ACSM2B: variants seen among roughly 807,000 people sequenced by gnomAD.
ACSM2B encodes the protein acyl-CoA synthetase medium chain family member 2B, also known as acyl-coenzyme A synthetase ACSM2B, mitochondrial.
In ACSM2B, 58 loss-of-function variants were observed where a neutral mutation model predicts 78.6. The ratio of observed to expected loss-of-function variants is 0.74; its 90% CI spans 0.60 to 0.92. The LOEUF (loss-of-function observed/expected upper bound fraction) is 0.92, where lower values mean the gene tolerates loss of function less well. Among genes scored for constraint, ACSM2B ranks in the 40% least tolerant of loss-of-function variants. ACSM2B has a pLI of 0.00. For missense variants in ACSM2B, 688 were observed against 711.2 expected (o/e 0.97, Z 0.37); for synonymous variants, 257 against 256.8 (o/e 1.00, Z -0.01).
At chr16:20,556,699 C>G (rs1394309382) in intron 3 of ACSM2B, among the ~76,000 whole-genome samples, 1 of 152,178 alleles carries the variant, frequency 6.6e-6, no homozygotes, top group East Asian at 1.9e-4. Context: ...TAGCTTTTAA[C>G]CTTAGCTCAC....
intron 6 of ACSM2B, among the ~76,000 whole-genome samples, chr16:20,549,194 C>A (rs1178853730): frequency 6.6e-6 from 1 of 152,170 alleles, no homozygotes; most frequent in Non-Finnish European, 1.5e-5. Context: ...AACACCATCT[C>A]CATCCCATGC....
rs117848515 is a variant in ACSM2B at position 20,545,055 on chromosome 16, A to G, written c.1281+102T>C. ...AAAACTGGACACTCTTTGTCTCCAT[A>G]TCTAATGCCTCTTGGAAGTTTCAGA... On this transcript the variant is annotated intron_variant, in intron 10 of 13. Transcript: ENST00000329697. The G allele has an allele frequency of 3.4e-4, 491 of 1,431,324 alleles. 6 individuals carry two copies. In the East Asian group the frequency reaches 0.01, roughly 30 times the overall value. 88.7% of individuals were successfully genotyped at this position (1,431,324 alleles called of 1,614,324 possible). A position where few individuals can be genotyped will look rare whatever the true frequency, so the allele number is the denominator to read the frequency against.
At chr16:20,554,613 A>C (rs2015413173) in intron 4 of ACSM2B, among the ~76,000 whole-genome samples, 1 of 152,204 alleles carries the variant, frequency 6.6e-6, no homozygotes, top group African/African-American at 2.4e-5. Context: ...GGCTTTTGGA[A>C]GGACTATCAA....
At chr16:20,550,134 G>A (rs1201072213) in intron 6 of ACSM2B, among the ~76,000 whole-genome samples, 1 of 152,144 alleles carries the variant, frequency 6.6e-6, no homozygotes, top group East Asian at 1.9e-4. Flanking sequence ...TGGCTGAGGA[G>A]GAAGTCCATT....
At chr16:20,545,104 T>C in intron 10 of ACSM2B, 53 bp downstream of exon 10, 2 of 1,570,776 alleles carry the variant, frequency 1.3e-6, no homozygotes, top group Non-Finnish European at 1.7e-6. Flanking sequence ...CTCATCCCGT[T>C]TAGTGCTCCC....
intron 1 of ACSM2B, among the ~76,000 whole-genome samples, chr16:20,573,014 G>T (rs1378485688): frequency 6.8e-6 from 1 of 147,390 alleles, no homozygotes; most frequent in Non-Finnish European, 1.5e-5. Flanking sequence ...ACCTTTTCTG[G>T]TGCCTCTTTG....
intron 12 of ACSM2B, 37 bp downstream of exon 12, chr16:20,542,877 A>C (rs1282069120): frequency 6.8e-6 from 11 of 1,611,308 alleles, no homozygotes; most frequent in South Asian, 2.2e-5. Flanking sequence ...CCTTGTGTTC[A>C]TATCTGTTCA....
At chr16:20,561,871 C>T (rs1205816605) in intron 2 of ACSM2B, among the ~76,000 whole-genome samples, 2 of 110,044 alleles carry the variant, frequency 1.8e-5, no homozygotes, top group Non-Finnish European at 3.6e-5. Flanking sequence ...CCCCTCCCCC[C>T]ACCCCATAAC....
intron 10 of ACSM2B, chr16:20,544,638 G>T (rs2015084748): frequency 2.1e-5 from 21 of 985,254 alleles, no homozygotes; most frequent in Non-Finnish European, 2.4e-5. Context: ...GCTTGAGCAA[G>T]TCTTGTAATC....
At position 20,537,263 on chromosome 16, in the gene ACSM2B, G is replaced by C. The variant is rs1457229382; in HGVS notation, c.1729C>G (p.Gln577Glu). The C allele has an allele frequency of 6.2e-7, 1 of 1,614,024 alleles. No homozygotes were observed. The highest frequency in any genetic ancestry group is 2.2e-5 in the East Asian group (1 of 44,864). Residue 577 changes from glutamine to glutamate, a missense_variant, in exon 14 of 14, where the codon CAG becomes GAG. Physicochemically the swap from Gln to Glu is conservative, Grantham distance 29. Coordinates refer to ENST00000329697, the MANE Select transcript of ACSM2B (RefSeq NM_001105069.2). ...EWKMSGKARAQ is the reference protein window; with the variant it reads ...EWKMSGKARAE ...ATGAATGTCTCCTAGACGCCTCACT[G>C]CGCACGGGCTTTTCCGGACATCTTC...
chr16:20,545,212 T>C lies in ACSM2B; in HGVS notation c.1226A>G (p.Asp409Gly), dbSNP rs143681214. 11 of 1,613,758 alleles carry C rather than the reference T, an allele frequency of 6.8e-6. No individual in the cohort carries two copies. Among genetic ancestry groups the C allele is most frequent in the Non-Finnish European group, 9.3e-6 (11 of 1,179,888 alleles). ...GNVLPPGTEG[D>G]IGIRVKPIRP... Reference sequence around the variant, plus strand: ...GATGGGTTTGACCCTGATGCCAATGTCTCCTTCTGTGCCGGGGGGCAGGAC... The same window carrying C: ...GATGGGTTTGACCCTGATGCCAATGCCTCCTTCTGTGCCGGGGGGCAGGAC... Residue 409 changes from aspartate to glycine, a missense_variant, in exon 10 of 14, where the codon GAC (aspartate) becomes GGC (glycine). By Grantham distance (94) the Asp-to-Gly change is moderately conservative. Coordinates refer to ENST00000329697, the MANE Select transcript of ACSM2B (RefSeq NM_001105069.2).
chr16:20,545,041 C>T (rs571982448), intron 10 of ACSM2B, 116 bp downstream of exon 10: 1 of 1,364,486 alleles, frequency 7.3e-7, no homozygotes, highest in Non-Finnish European at 9.8e-7. Flanking sequence ...AAACTGGACA[C>T]TCTTTGTCTC....
Position 20,559,311 on chromosome 16 carries a change from C to A in ACSM2B, c.314G>T (p.Arg105Leu), listed in dbSNP as rs577119435. The A allele has an allele frequency of 3.1e-6, 5 of 1,613,396 alleles. No individual in the cohort carries two copies. In the Admixed American group the frequency reaches 5.0e-5, roughly 16 times the overall value. Residue 105 changes from arginine to leucine, a missense_variant, in exon 3 of 14, where the codon CGT becomes CTT. Arg to Leu is a moderately radical substitution (Grantham distance 102). Transcript: ENST00000329697. ...NILSGACGLQRGDRVAVMLPR... is the reference protein window; with the variant it reads ...NILSGACGLQLGDRVAVMLPR... Reference sequence around the variant, plus strand: ...CAGCATCACTGCCACACGATCCCCACGCTGCAGGCCACAGGCTCCCGAGAG... The same window carrying A: ...CAGCATCACTGCCACACGATCCCCAAGCTGCAGGCCACAGGCTCCCGAGAG...
intron 1 of ACSM2B, among the ~76,000 whole-genome samples, chr16:20,569,469 CTATGGCCT>C (rs1438453188): frequency 9.2e-5 from 14 of 152,002 alleles, no homozygotes; most frequent in Non-Finnish European, 1.9e-4. Context: ...GTTTTGCTGA[CTATGGCCT>C]TATAGTACAT....
At chr16:20,568,117 T>C (rs1033965406) in intron 1 of ACSM2B, among the ~76,000 whole-genome samples, 1 of 143,286 alleles carries the variant, frequency 7.0e-6, no homozygotes, top group African/African-American at 2.5e-5. Context: ...TATATACATA[T>C]TATATATATG....
chr16:20,548,055 C>A lies in ACSM2B; in HGVS notation c.1098+7G>T. ...ACACAGCCCATGGTTCCCCTGGGAA[C>A]AGGTACCGTTTCTGTCTGGCCATAG... On this transcript the variant is annotated splice_region_variant and intron_variant, in intron 8 of 13. Transcript: ENST00000329697. The A allele has an allele frequency of 6.2e-7, 1 of 1,613,924 alleles. No individual in the cohort carries two copies. Among genetic ancestry groups the A allele is most frequent in the Non-Finnish European group, 8.5e-7 (1 of 1,179,864 alleles).
intron 1 of ACSM2B, among the ~76,000 whole-genome samples, chr16:20,567,493 A>AAGATATAAAAT (rs1555459524): frequency 2.5e-5 from 3 of 117,950 alleles, no homozygotes; most frequent in East Asian, 2.3e-4. Context: ...ATATATAAAT[A>AAGATATAAAAT]ATATATAAAA....
At position 20,548,394 on chromosome 16, in the gene ACSM2B, C is replaced by T. The variant is rs1567208292; in HGVS notation, c.974G>A (p.Ser325Asn). ...TTACCAATCCTCAAAGCCCCATCAC[C>T]TGGAAAGATCCTGCTGTAGCAACAT... ...YRMLLQQDLS[S>N]YKFPHLQNCL... Residue 325 changes from serine (S) to asparagine (N), a missense_variant and splice_region_variant, in exon 7 of 14, where the codon AGT (serine) becomes AAT (asparagine). Physicochemically the swap from Ser to Asn is conservative, Grantham distance 46. Coordinates refer to ENST00000329697, the MANE Select transcript of ACSM2B (RefSeq NM_001105069.2). 1.9e-6 allele frequency: 3 copies of T among 1,613,650 alleles called. No homozygotes were observed. Among genetic ancestry groups the T allele is most frequent in the Non-Finnish European group, 1.7e-6 (2 of 1,179,720 alleles).
At chr16:20,547,849 T>C in intron 8 of ACSM2B, 1 of 1,238,474 alleles carries the variant, frequency 8.1e-7, no homozygotes, top group Non-Finnish European at 1.1e-6. Flanking sequence ...TCTCCCCAAA[T>C]CTCACTGGAA....
Sources: allele counts gnomAD v4.1 joint callset (sites outside exome capture counted in the v4.1 genomes callset), GRCh38; gene constraint gnomAD v4.1.1; transcripts MANE v1.5; gene names NCBI Gene and HGNC (gene_info 2026-07-23, HGNC 2026-07-21).